ZNF280D: variants seen among roughly 807,000 people sequenced by gnomAD.
The protein encoded by ZNF280D is zinc finger protein 280D.
ZNF280D carries 39 observed loss-of-function variants against 94.7 expected under a neutral mutation model. That is an observed-to-expected ratio of 0.41 (90% CI 0.32 to 0.54). The LOEUF (loss-of-function observed/expected upper bound fraction) is 0.54. Among genes scored for constraint, ZNF280D ranks in the 20% least tolerant of loss-of-function variants. The pLI is 0.22. For synonymous variants in ZNF280D, 398 were observed against 377.6 expected (o/e 1.05, Z -0.63); for missense variants, 1,090 against 1,149.3 (o/e 0.95, Z 0.75).
Position 56,668,834 on chromosome 15 carries a change from G to A in ZNF280D, c.1534C>T (p.Pro512Ser), listed in dbSNP as rs1474720431. ...IKPKQLEGLP[P>S]GTKVTIRASV... is the part of the protein sequence containing the mutation. ...ATATTTTAACTCACTTTTGTTCCAG[G>A]AGGCAATCCTTCTAGTTGTTTAGGT... is the stretch of plus-strand genomic sequence containing the variant. The change falls in exon 14 of 22, where the codon CCT (proline) becomes TCT (serine). Residue 512 changes from proline (P) to serine (S), a missense_variant. Around this residue, in one of 3 missense-constraint regions of ZNF280D, gnomAD observed 577 missense variants for 568.8 expected, o/e 1.01. Transcript: ENST00000267807. 2.5e-6 allele frequency: 4 copies of A among 1,600,442 alleles called. No individual in the cohort carries two copies. The African/African-American group carries it at 4.1e-5, about 16-fold the overall frequency.
At chr15:56,633,584 G>A (rs1473019519) in intron 21 of ZNF280D, among the ~76,000 whole-genome samples, 1 of 151,656 alleles carries the variant, frequency 6.6e-6, no homozygotes. Flanking sequence ...TCTGCCTCCC[G>A]GGTTCAGGTG....
intron 1 of ZNF280D, among the ~76,000 whole-genome samples, chr15:56,718,571 A>C (rs2058170233): frequency 6.6e-6 from 1 of 152,228 alleles, no homozygotes; most frequent in African/African-American, 2.4e-5. Flanking sequence ...AATGAATCTA[A>C]ATCAGTACAG....
In ZNF280D at chr15:56,639,592, C is replaced by T. The variant is rs375667671; in HGVS notation, c.2259+3360G>A. On this transcript the variant is annotated intron_variant, in intron 20 of 21. Coordinates refer to ENST00000267807, the MANE Select transcript of ZNF280D (RefSeq NM_017661.4). ...TAAATACCAAGAAACTGGAGCAAGA[C>T]ATGCATCAGACTTAATACAAATACT... Among the ~76,000 whole-genome samples the T allele has an allele frequency of 3.2e-4, 48 of 152,194 alleles. No individual in the cohort carries two copies. In the South Asian group the frequency reaches 8.1e-3, roughly 26 times the overall value.
intron 20 of ZNF280D, among the ~76,000 whole-genome samples, chr15:56,636,801 G>A (rs2052377601): frequency 6.6e-6 from 1 of 150,930 alleles, no homozygotes; most frequent in Admixed American, 6.6e-5. Context: ...TTTATTTTTA[G>A]TAGAGATGGG....
intron 16 of ZNF280D, among the ~76,000 whole-genome samples, chr15:56,660,570 C>T (rs1029129736): frequency 6.6e-6 from 1 of 151,922 alleles, no homozygotes; most frequent in Non-Finnish European, 1.5e-5. Context: ...AAAAAAAATA[C>T]TACCCTTCTT....
intron 1 of ZNF280D, among the ~76,000 whole-genome samples, chr15:56,727,704 A>G (rs568301878): frequency 1.3e-5 from 2 of 152,326 alleles, no homozygotes; most frequent in East Asian, 1.9e-4. Context: ...AGAGGAAGGC[A>G]TTTCACAACT....
At chr15:56,697,084 A>T (rs530580504) in intron 6 of ZNF280D, among the ~76,000 whole-genome samples, 1 of 152,364 alleles carries the variant, frequency 6.6e-6, no homozygotes, top group East Asian at 1.9e-4. Flanking sequence ...CAAACAGCTT[A>T]TAATAAGCAT....
chr15:56,728,603 C>T (rs1435868519), intron 1 of ZNF280D, among the ~76,000 whole-genome samples: 3 of 152,100 alleles, frequency 2.0e-5, no homozygotes, highest in African/African-American at 7.2e-5. Flanking sequence ...CAAGCAAGAA[C>T]CTATCAGGGA....
Position 56,642,981 on chromosome 15 carries a change from G to A in ZNF280D, c.2230C>T (p.Pro744Ser). 6 of 1,506,872 alleles carry A rather than the reference G, an allele frequency of 4.0e-6. No homozygotes were observed. The highest frequency in any genetic ancestry group is 4.4e-6 in the Non-Finnish European group (5 of 1,131,828). 93.3% of individuals were successfully genotyped at this position (1,506,872 alleles called of 1,614,324 possible). ...EHLSELKKEA[P>S]AKEQEPVSKE... ...GACACAGGTTCTTGTTCCTTTGCGG[G>A]AGCTTCTTTTTTTAATCTTGAAAAC... Residue 744 changes from proline to serine, a missense_variant, in exon 20 of 22, where the codon CCC (proline) becomes TCC (serine). Physicochemically the swap from Pro to Ser is moderately conservative, Grantham distance 74. Around this residue, in one of 3 missense-constraint regions of ZNF280D, gnomAD observed 577 missense variants for 568.8 expected, o/e 1.01. Coordinates refer to ENST00000267807, the MANE Select transcript of ZNF280D (RefSeq NM_017661.4).
intron 1 of ZNF280D, among the ~76,000 whole-genome samples, chr15:56,716,398 C>A (rs1435953735): frequency 6.7e-6 from 1 of 149,888 alleles, no homozygotes; most frequent in Non-Finnish European, 1.5e-5. Context: ...ACTAGGCAAA[C>A]AGGAGAAGGA....
chr15:56,652,209 GTGGTCATCTAAACCGGCTTTAAC>G (rs1331139715), intron 19 of ZNF280D, among the ~76,000 whole-genome samples: 2 of 152,028 alleles, frequency 1.3e-5, no homozygotes, highest in African/African-American at 2.4e-5. Flanking sequence ...CATATAATAG[GTGGTCATCTAAACCGGCTTTAAC>G]TGGTCATCTA....
chr15:56,678,933 C>T, intron 10 of ZNF280D, 112 bp from the exon 11 acceptor site: 3 of 1,043,168 alleles, frequency 2.9e-6, no homozygotes, highest in Non-Finnish European at 3.9e-6. Context: ...TACTCAAACT[C>T]TCAAAAGTCT....
chr15:56,687,781 C>G (rs1356027763), intron 9 of ZNF280D, among the ~76,000 whole-genome samples: 2 of 152,258 alleles, frequency 1.3e-5, no homozygotes, highest in Middle Eastern at 3.4e-3. Context: ...AAGACCAAAA[C>G]ACAACGTGCA....
At chr15:56,664,381 T>C (rs1210122714) in intron 16 of ZNF280D, among the ~76,000 whole-genome samples, 1 of 152,120 alleles carries the variant, frequency 6.6e-6, no homozygotes, top group Admixed American at 6.6e-5. Flanking sequence ...CTGAAAATGT[T>C]TGTAAGCAGA....
chr15:56,700,016 A>G (rs1216550489), intron 6 of ZNF280D: 2 of 172,054 alleles, frequency 1.2e-5, no homozygotes, highest in Admixed American at 6.5e-5. Context: ...TAGCATCACC[A>G]GTGCAAATGC....
intron 4 of ZNF280D, among the ~76,000 whole-genome samples, chr15:56,703,450 G>C (rs2057209499): frequency 1.3e-5 from 2 of 152,290 alleles, no homozygotes; most frequent in South Asian, 4.1e-4. Flanking sequence ...AGTCCCGTTT[G>C]AGACTAACAA....
At chr15:56,669,985 T>A (rs56247478) in intron 13 of ZNF280D, among the ~76,000 whole-genome samples, 63 of 860 alleles carry the variant, frequency 0.073, 22 homozygotes, top group Admixed American at 0.12. Context: ...ATATATATAT[T>A]ATATATATAT....
At chr15:56,732,393 G>A (rs2058935282) in intron 1 of ZNF280D, among the ~76,000 whole-genome samples, 1 of 152,202 alleles carries the variant, frequency 6.6e-6, no homozygotes, top group South Asian at 2.1e-4. Flanking sequence ...AATGGTATAA[G>A]CAAACCAGTG....
chr15:56,652,840 A>T (rs924727386), intron 19 of ZNF280D: 7 of 984,192 alleles, frequency 7.1e-6, no homozygotes, highest in Non-Finnish European at 8.4e-6. Flanking sequence ...GCTTAGTAAC[A>T]GCCAAATTTA....
Sources: gnomAD v4.1 joint callset for allele counts (sites outside exome capture counted in the v4.1 genomes callset) on GRCh38, gnomAD v4.1.1 for gene constraint, gnomAD v4.1.1 regional missense constraint, MANE v1.5 for transcripts, NCBI Gene and HGNC (gene_info 2026-07-23, HGNC 2026-07-21) for gene names.